The following ATPAF2 variants were observed in gnomAD, a reference collection of about 807,000 sequenced individuals.
ATPAF2 encodes ATP synthase mitochondrial F1 complex assembly factor 2.
In ATPAF2, 30 loss-of-function variants were observed where a neutral mutation model predicts 36.6. The ratio of observed to expected loss-of-function variants is 0.82; its 90% CI spans 0.61 to 1.11. The LOEUF (loss-of-function observed/expected upper bound fraction) is 1.11. ATPAF2 is among the 50% of genes most tolerant of loss of function. The pLI is 0.00. For synonymous variants in ATPAF2, 140 were observed against 152.6 expected (o/e 0.92, Z 0.61); for missense variants, 321 against 372.3 (o/e 0.86, Z 1.13).
intron 5 of ATPAF2, among the ~76,000 whole-genome samples, chr17:18,023,055 G>A (rs2044493867): frequency 6.6e-6 from 1 of 151,682 alleles, no homozygotes; most frequent in Admixed American, 6.6e-5. Flanking sequence ...ATAAAACCTG[G>A]GAGGCGGAGC....
intron 3 of ATPAF2, 35 bp from the exon 4 acceptor site, chr17:18,026,451 T>G: frequency 6.4e-7 from 1 of 1,565,586 alleles, no homozygotes; most frequent in Non-Finnish European, 8.8e-7. Flanking sequence ...TGTCACTGCC[T>G]GCGGGGCTCA....
At position 18,018,643 on chromosome 17, in the gene ATPAF2, A is replaced by G; in HGVS notation, c.776T>C (p.Leu259Pro). 6.2e-7 allele frequency: 1 copy of G among 1,614,112 alleles called. No homozygotes were observed. The highest frequency in any genetic ancestry group is 8.5e-7 in the Non-Finnish European group (1 of 1,180,024). ...GNIEWAHDYELQELRARTAAG... is the reference protein window; with the variant it reads ...GNIEWAHDYEPQELRARTAAG... Reference sequence around the variant, plus strand: ...GGCGGTGCGGGCCCGCAGCTCCTGCAGCTCATAGTCATGGGCCCACTCAAT... The same window carrying G: ...GGCGGTGCGGGCCCGCAGCTCCTGCGGCTCATAGTCATGGGCCCACTCAAT... Residue 259 changes from leucine to proline, a missense_variant, in exon 8 of 8, where the codon CTG (leucine) becomes CCG (proline). Leu to Pro is a moderately conservative substitution (Grantham distance 98). Coordinates refer to ENST00000474627, the MANE Select transcript of ATPAF2 (RefSeq NM_145691.4).
intron 7 of ATPAF2, among the ~76,000 whole-genome samples, chr17:18,019,082 G>A (rs1208136496): frequency 6.6e-6 from 1 of 151,636 alleles, no homozygotes; most frequent in Non-Finnish European, 1.5e-5. Flanking sequence ...TGAAGCTGCA[G>A]TAAGCCAAGA....
chr17:18,028,690 TA>T, intron 1 of ATPAF2, 31 bp from the exon 2 acceptor site: 1 of 1,606,242 alleles, frequency 6.2e-7, no homozygotes, highest in Non-Finnish European at 8.5e-7. Context: ...AGAGGCAGTT[TA>T]AAATAACGTT....
chr17:18,024,885 G>A (rs1354795105), intron 4 of ATPAF2, 181 bp from the exon 5 acceptor site: 5 of 634,384 alleles, frequency 7.9e-6, no homozygotes, highest in South Asian at 7.1e-5. Context: ...CATCGCCTGG[G>A]AACTTGTTAG....
At chr17:18,034,788 A>G (rs1286122890) in intron 1 of ATPAF2, among the ~76,000 whole-genome samples, 2 of 150,444 alleles carry the variant, frequency 1.3e-5, no homozygotes, top group Admixed American at 6.6e-5. Flanking sequence ...GAATGTTCAT[A>G]GTAGCGTTAT....
Position 18,028,314 on chromosome 17 carries a change from A to T in ATPAF2, c.242T>A (p.Val81Asp). The change falls in exon 3 of 8, where the codon GTC (valine) becomes GAC (aspartate). Residue 81 changes from valine (V) to aspartate (D), a missense_variant. By Grantham distance (152) the Val-to-Asp change is radical. Transcript: ENST00000474627. ...LKTPQAKLFT[V>D]PSEALAIAVA... is the part of the protein sequence containing the mutation. ...TGCAATGGCCAGGGCCTCGCTGGGG[A>T]CGGTAAAGAGCTTGGCTTGGGGAGT... 1 of 1,614,166 alleles carries T rather than the reference A, an allele frequency of 6.2e-7. No homozygotes were observed. The highest frequency in any genetic ancestry group is 8.5e-7 in the Non-Finnish European group (1 of 1,180,024).
At chr17:18,019,147 C>CCA (rs138932269) in intron 7 of ATPAF2, among the ~76,000 whole-genome samples, 11,955 of 135,526 alleles carry the variant, frequency 0.088, 671 homozygotes, top group South Asian at 0.31. Context: ...CTCAAAAACA[C>CCA]CACACACACA....
At chr17:18,033,232 G>A (rs1412712651) in intron 1 of ATPAF2, among the ~76,000 whole-genome samples, 1 of 151,898 alleles carries the variant, frequency 6.6e-6, no homozygotes, top group Admixed American at 6.6e-5. Flanking sequence ...GGCGAGGTGT[G>A]GTATTGCCTG....
At chr17:18,023,482 G>A (rs763659032) in intron 5 of ATPAF2, among the ~76,000 whole-genome samples, 2 of 152,208 alleles carry the variant, frequency 1.3e-5, no homozygotes, top group Non-Finnish European at 2.9e-5. Flanking sequence ...CAAATGGACT[G>A]TAAGAAATGG....
At chr17:18,037,029 C>A (rs1274780045) in intron 1 of ATPAF2, among the ~76,000 whole-genome samples, 1 of 152,130 alleles carries the variant, frequency 6.6e-6, no homozygotes, top group Non-Finnish European at 1.5e-5. Flanking sequence ...CAAGATCACA[C>A]CATTGCATGC....
At position 18,022,594 on chromosome 17, in the gene ATPAF2, CTTTTTTT is replaced by C. The variant is rs34473758; in HGVS notation, c.504-744_504-738del. Among the ~76,000 whole-genome samples, 17 of 121,398 alleles carry C rather than the reference CTTTTTTT, an allele frequency of 1.4e-4. No individual in the cohort carries two copies. In the East Asian group the frequency reaches 2.8e-3, roughly 20 times the overall value. 79.6% of individuals were successfully genotyped at this position (121,398 alleles called of 152,430 possible). On this transcript the variant is annotated intron_variant, in intron 5 of 7. Coordinates refer to ENST00000474627, the MANE Select transcript of ATPAF2 (RefSeq NM_145691.4). The stretch of plus-strand genomic sequence containing the variant: ...ACCAGTCAGCAGTCATTTTTTCAAA[CTTTTTTT>C]TTTTTTTTTTTTTTTGAGATGAAGT...
At chr17:18,027,864 G>T in intron 3 of ATPAF2, 1 of 307,876 alleles carries the variant, frequency 3.2e-6, no homozygotes, top group Non-Finnish European at 6.4e-6. Context: ...TTACCAGGCA[G>T]TGGAAGAGAC....
downstream of ATPAF2, chr17:18,016,447 G>C: frequency 1.2e-6 from 1 of 838,442 alleles, no homozygotes; most frequent in East Asian, 2.6e-5. Context: ...TGAAGCAAAT[G>C]AGGTTTGCAG....
intron 5 of ATPAF2, among the ~76,000 whole-genome samples, chr17:18,022,908 G>A (rs1334540014): frequency 1.3e-5 from 2 of 151,736 alleles, no homozygotes; most frequent in Non-Finnish European, 2.9e-5. Context: ...GGCGGATCAC[G>A]AGGTCAGGAG....
chr17:18,031,492 T>A (rs911434525), intron 1 of ATPAF2, among the ~76,000 whole-genome samples: 3 of 151,766 alleles, frequency 2.0e-5, no homozygotes, highest in Non-Finnish European at 4.4e-5. Context: ...GTTTAAAGTG[T>A]TTTTTTAGGC....
intron 7 of ATPAF2, among the ~76,000 whole-genome samples, chr17:18,020,532 C>T (rs1471987838): frequency 6.6e-6 from 1 of 152,230 alleles, no homozygotes; most frequent in African/African-American, 2.4e-5. Context: ...TCCAGAGGTG[C>T]AACCTTGCAC....
rs1416623597 is a variant in ATPAF2 at position 18,020,913 on chromosome 17, A to G, written c.732+210T>C. 5 of 1,296,198 alleles carry G rather than the reference A, an allele frequency of 3.9e-6. No homozygotes were observed. In the African/African-American group the frequency reaches 4.5e-5, roughly 12 times the overall value. 80.3% of individuals were successfully genotyped at this position (1,296,198 alleles called of 1,614,324 possible). A position where few individuals can be genotyped will look rare whatever the true frequency, so the allele number is the denominator to read the frequency against. On this transcript the variant is annotated intron_variant, in intron 7 of 7. Transcript: ENST00000474627. ...TGACCTCAAATGATCCATCCTCCTC[A>G]GCCACCCAAAGTGCTGGGATTACAG...
Position 18,018,427 on chromosome 17 carries a change from G to T in ATPAF2, c.*122C>A. ...ACTGTGTCTCGGGGGGAATCTCAGG[G>T]TGACGCTGAGGCCGAGTCCCCAAAA... is the stretch of plus-strand genomic sequence containing the variant. On this transcript the variant is annotated 3_prime_UTR_variant, in exon 8 of 8. Coordinates refer to ENST00000474627, the MANE Select transcript of ATPAF2 (RefSeq NM_145691.4). 1 of 1,387,344 alleles carries T rather than the reference G, an allele frequency of 7.2e-7. No homozygotes were observed. Among genetic ancestry groups the T allele is most frequent in the Non-Finnish European group, 1.0e-6 (1 of 990,560 alleles). The allele number at this position is 1,387,344 out of a possible 1,614,324, so 85.9% of individuals were successfully genotyped here.
Sources: gnomAD v4.1 joint callset for allele counts (sites outside exome capture counted in the v4.1 genomes callset) on GRCh38, gnomAD v4.1.1 for gene constraint, MANE v1.5 for transcripts, NCBI Gene and HGNC (gene_info 2026-07-23, HGNC 2026-07-21) for gene names.